The following SEMA3E variants were observed in gnomAD, a reference collection of about 807,000 sequenced individuals.
The protein encoded by SEMA3E is semaphorin-3E.
A neutral mutation model predicts 93.6 loss-of-function variants in SEMA3E; 49 were observed. The observed-to-expected ratio is 0.52, with a 90% CI of 0.42 to 0.66. The LOEUF is 0.66. Among genes scored for constraint, SEMA3E ranks in the 30% least tolerant of loss-of-function variants. The probability of loss-of-function intolerance (pLI) is 0.00; values close to 1 mark genes in which losing one functional copy is unlikely to be tolerated. For synonymous variants in SEMA3E, 363 were observed against 330.7 expected (o/e 1.10, Z -1.06); for missense variants, 906 against 964.8 (o/e 0.94, Z 0.81).
chr7:83,612,432 A>C (rs1225643146), intron 1 of SEMA3E: 1 of 152,178 alleles, frequency 6.6e-6, no homozygotes, highest in East Asian at 1.9e-4. Context: ...ATGATACTTA[A>C]ATAAATCCAA....
intron 2 of SEMA3E, among the ~76,000 whole-genome samples, chr7:83,475,559 G>A (rs1226457828): frequency 1.3e-5 from 2 of 152,144 alleles, no homozygotes; most frequent in Non-Finnish European, 2.9e-5. Flanking sequence ...TATCCACTGA[G>A]TGCGGTGTCT....
intron 1 of SEMA3E, among the ~76,000 whole-genome samples, chr7:83,524,124 TAC>T (rs1791105737): frequency 1.3e-5 from 2 of 152,234 alleles, no homozygotes; most frequent in African/African-American, 4.8e-5. Context: ...GAGCAAAAAT[TAC>T]ATTTTGATTT....
chr7:83,402,555 T>C, intron 10 of SEMA3E, 77 bp downstream of exon 10: 1 of 1,342,692 alleles, frequency 7.4e-7, no homozygotes, highest in South Asian at 1.2e-5. Context: ...ATCTGCAAAG[T>C]CTTATGAAAC....
At chr7:83,448,561 T>C (rs1468327137) in intron 4 of SEMA3E, among the ~76,000 whole-genome samples, 1 of 152,176 alleles carries the variant, frequency 6.6e-6, no homozygotes. Context: ...ACCACGCTAG[T>C]ATATTTTCTC....
In SEMA3E at chr7:83,531,591, G is replaced by C. The variant is rs538799630; in HGVS notation, c.116-41317C>G. On this transcript the variant is annotated intron_variant, in intron 1 of 16. Coordinates refer to ENST00000643230, the MANE Select transcript of SEMA3E (RefSeq NM_012431.3). ...TGGTCTCGAACTCCTGACCTCAAGC[G>C]ATCTGCCCACTTTGGCCTCCCAAAG... 2.0e-5 allele frequency among the ~76,000 whole-genome samples: 3 copies of C among 151,874 alleles called. No individual in the cohort carries two copies. The South Asian group carries it at 6.2e-4, about 32-fold the overall frequency.
chr7:83,528,934 T>G (rs536238925), intron 1 of SEMA3E, among the ~76,000 whole-genome samples: 9 of 152,196 alleles, frequency 5.9e-5, no homozygotes, highest in Admixed American at 5.2e-4. Context: ...TATGCTCAAG[T>G]GGAGAGGTAA....
At chr7:83,574,566 T>C (rs1027874876) in intron 1 of SEMA3E, among the ~76,000 whole-genome samples, 61 of 151,994 alleles carry the variant, frequency 4.0e-4, no homozygotes, top group African/African-American at 1.5e-3. Flanking sequence ...CCACATAAAC[T>C]TGGGTTTAGC....
intron 4 of SEMA3E, among the ~76,000 whole-genome samples, chr7:83,423,991 T>C (rs1293834382): frequency 1.3e-5 from 2 of 152,194 alleles, no homozygotes; most frequent in Non-Finnish European, 2.9e-5. Flanking sequence ...TATAATTTAT[T>C]AGCCCATTAA....
At chr7:83,510,120 G>GT (rs1028040940) in intron 1 of SEMA3E, among the ~76,000 whole-genome samples, 2 of 152,076 alleles carry the variant, frequency 1.3e-5, no homozygotes, top group South Asian at 2.1e-4. Flanking sequence ...ATTATTGTCT[G>GT]TTTTTTGGAA....
intron 1 of SEMA3E, among the ~76,000 whole-genome samples, chr7:83,589,529 G>A (rs531907503): frequency 6.6e-6 from 1 of 152,160 alleles, no homozygotes; most frequent in Admixed American, 6.5e-5. Flanking sequence ...GAGCCATAAA[G>A]TAGACATAGA....
chr7:83,487,070 T>C (rs2255614), intron 2 of SEMA3E, among the ~76,000 whole-genome samples: 125,465 of 151,952 alleles, frequency 0.83, 52,713 homozygotes, highest in South Asian at 0.95. Flanking sequence ...CCTTATATAG[T>C]TTTCACAGGT....
chr7:83,402,578 A>G (rs1478107001), intron 10 of SEMA3E, 54 bp downstream of exon 10: 7 of 1,522,312 alleles, frequency 4.6e-6, no homozygotes, highest in African/African-American at 4.2e-5. Context: ...TGAACAAAAT[A>G]TTACCAAAAG....
chr7:83,559,969 C>G (rs577709838), intron 1 of SEMA3E, among the ~76,000 whole-genome samples: 1 of 152,126 alleles, frequency 6.6e-6, no homozygotes, highest in African/African-American at 2.4e-5. Flanking sequence ...TCTGAAAAGG[C>G]TACACACTGT....
At chr7:83,403,313 T>C (rs1439504430) in intron 9 of SEMA3E, among the ~76,000 whole-genome samples, 1 of 151,930 alleles carries the variant, frequency 6.6e-6, no homozygotes, top group Non-Finnish European at 1.5e-5. Context: ...GGGGTTCATG[T>C]AAACTTTAAT....
At position 83,387,070 on chromosome 7, in the gene SEMA3E, T is replaced by C; in HGVS notation, c.1668-20A>G. Reference sequence around the variant, plus strand: ...AAACGCCTGAAAGAAAGTAAATGCATTTAGATGTTCATTTTTTCAATTTTC... The same window carrying C: ...AAACGCCTGAAAGAAAGTAAATGCACTTAGATGTTCATTTTTTCAATTTTC... On this transcript the variant is annotated intron_variant, in intron 14 of 16. Transcript: ENST00000643230. The C allele has an allele frequency of 6.2e-7, 1 of 1,609,350 alleles. No homozygotes were observed. The highest frequency in any genetic ancestry group is 8.5e-7 in the Non-Finnish European group (1 of 1,177,134).
chr7:83,436,944 G>A (rs1018943065), intron 4 of SEMA3E, among the ~76,000 whole-genome samples: 1 of 152,158 alleles, frequency 6.6e-6, no homozygotes, highest in African/African-American at 2.4e-5. Flanking sequence ...ATAGCAGAAG[G>A]CAAGGAGGAG....
intron 16 of SEMA3E, among the ~76,000 whole-genome samples, chr7:83,374,771 T>C (rs185874570): frequency 2.4e-4 from 36 of 152,208 alleles, no homozygotes; most frequent in Admixed American, 9.2e-4. Context: ...ATTGGACTTA[T>C]TCCAATCATT....
At chr7:83,383,871 G>T (rs1342870264) in intron 16 of SEMA3E, among the ~76,000 whole-genome samples, 1 of 151,900 alleles carries the variant, frequency 6.6e-6, no homozygotes, top group Non-Finnish European at 1.5e-5. Context: ...GAGGAACTAT[G>T]GAAGATTATC....
intron 1 of SEMA3E, among the ~76,000 whole-genome samples, chr7:83,625,898 G>A (rs933240961): frequency 6.6e-6 from 1 of 152,052 alleles, no homozygotes; most frequent in African/African-American, 2.4e-5. Flanking sequence ...CTCGTCTATT[G>A]AGTGTTTTTA....
Sources: gnomAD v4.1 joint callset for allele counts (sites outside exome capture counted in the v4.1 genomes callset) on GRCh38, gnomAD v4.1.1 for gene constraint, MANE v1.5 for transcripts, NCBI Gene and HGNC (gene_info 2026-07-23, HGNC 2026-07-21) for gene names.